Variants in IL17RD observed in about 807,000 individuals in gnomAD.
IL17RD encodes the protein interleukin 17 receptor D.
IL17RD carries 52 observed loss-of-function variants against 80.5 expected under a neutral mutation model. The observed-to-expected ratio is 0.65, with a 90% CI of 0.52 to 0.81. The LOEUF (loss-of-function observed/expected upper bound fraction) is 0.81. Among genes scored for constraint, IL17RD ranks in the 40% least tolerant of loss-of-function variants. The probability of loss-of-function intolerance (pLI) is 0.00; values close to 1 mark genes in which losing one functional copy is unlikely to be tolerated. For synonymous variants in IL17RD, 416 were observed against 391.8 expected, an observed-to-expected ratio of 1.06 and a Z score of -0.73; for missense variants, 1,024 against 955.1, an observed-to-expected ratio of 1.07 and a Z score of -0.95.
intron 1 of IL17RD, among the ~76,000 whole-genome samples, chr3:57,158,415 T>C (rs2060282571): frequency 6.6e-6 from 1 of 152,200 alleles, no homozygotes; most frequent in African/African-American, 2.4e-5. Flanking sequence ...ACAGTAGAGG[T>C]AGTTTTCATT....
chr3:57,128,146 T>C (rs556321529), intron 1 of IL17RD, among the ~76,000 whole-genome samples: 50 of 152,334 alleles, frequency 3.3e-4, no homozygotes, highest in African/African-American at 1.2e-3. Flanking sequence ...GCCAGCAGTC[T>C]GATTTGGAGG....
chr3:57,154,453 T>C (rs1218635011), intron 1 of IL17RD, among the ~76,000 whole-genome samples: 3 of 151,924 alleles, frequency 2.0e-5, no homozygotes, highest in Non-Finnish European at 4.4e-5. Flanking sequence ...CCTTTTTTAA[T>C]GAGATAAAAG....
intron 3 of IL17RD, among the ~76,000 whole-genome samples, chr3:57,114,041 G>C (rs1707157520): frequency 6.7e-6 from 1 of 149,092 alleles, no homozygotes; most frequent in African/African-American, 2.4e-5. Flanking sequence ...AAAATTAGCT[G>C]GGTGTGGTGG....
chr3:57,098,628 G>C, intron 11 of IL17RD, 90 bp from the exon 12 acceptor site: 1 of 856,434 alleles, frequency 1.2e-6, no homozygotes, highest in Non-Finnish European at 1.9e-6. Flanking sequence ...TCAGAAGGAG[G>C]CCATCTCATC....
chr3:57,109,437 G>A (rs1297307822), intron 5 of IL17RD, 100 bp downstream of exon 5: 29 of 1,349,040 alleles, frequency 2.1e-5, no homozygotes, highest in Non-Finnish European at 2.2e-5. Context: ...GAGCCACCGC[G>A]CCCGGCCTTG....
chr3:57,130,085 C>G (rs1036703763), intron 1 of IL17RD, among the ~76,000 whole-genome samples: 1 of 152,234 alleles, frequency 6.6e-6, no homozygotes, highest in African/African-American at 2.4e-5. Context: ...CTTTTAATTA[C>G]TGATGACCCT....
At chr3:57,161,303 G>C (rs2060303078) in intron 1 of IL17RD, among the ~76,000 whole-genome samples, 1 of 152,234 alleles carries the variant, frequency 6.6e-6, no homozygotes. Context: ...GAATGAAAAT[G>C]CATCCAATTC....
intron 7 of IL17RD, among the ~76,000 whole-genome samples, chr3:57,105,536 CAAAA>C (rs745910085): frequency 5.3e-4 from 19 of 35,612 alleles, no homozygotes; most frequent in African/African-American, 1.5e-3. Flanking sequence ...GACTCCATCT[CAAAA>C]AAAAAAAAAA....
At chr3:57,161,130 T>C (rs1020397143) in intron 1 of IL17RD, among the ~76,000 whole-genome samples, 2 of 152,154 alleles carry the variant, frequency 1.3e-5, no homozygotes, top group African/African-American at 4.8e-5. Context: ...GAAGAAAGCT[T>C]TGCACTGCTT....
At chr3:57,133,952 A>G (rs1308923940) in intron 1 of IL17RD, among the ~76,000 whole-genome samples, 1 of 152,258 alleles carries the variant, frequency 6.6e-6, no homozygotes, top group African/African-American at 2.4e-5. Flanking sequence ...TCAAAGTAAT[A>G]TGGTGAAATT....
Position 57,114,909 on chromosome 3 carries a change from G to T in IL17RD, c.185-92C>A, listed in dbSNP as rs963520487. ...TCAAAATAAACAGGGCATGTCTGAA[G>T]GTGGCCAAATCCATTCTGTTAAAGA... is the stretch of plus-strand genomic sequence containing the variant. On this transcript the variant is annotated intron_variant, in intron 2 of 12. Coordinates refer to ENST00000296318, the MANE Select transcript of IL17RD (RefSeq NM_017563.5). The T allele has an allele frequency of 6.6e-6, 7 of 1,065,906 alleles. No homozygotes were observed. In the African/African-American group the frequency reaches 8.1e-5, roughly 12 times the overall value. The allele number at this position is 1,065,906 out of a possible 1,614,324, so 66.0% of individuals were successfully genotyped here. A position where few individuals can be genotyped will look rare whatever the true frequency, so the allele number is the denominator to read the frequency against.
At chr3:57,131,719 G>A (rs1236054043) in intron 1 of IL17RD, among the ~76,000 whole-genome samples, 1 of 152,218 alleles carries the variant, frequency 6.6e-6, no homozygotes, top group Non-Finnish European at 1.5e-5. Flanking sequence ...ATTTGGGGGA[G>A]AACTGTGGTG....
chr3:57,168,722 G>T (rs1486799289), upstream of IL17RD, among the ~76,000 whole-genome samples: 1 of 152,094 alleles, frequency 6.6e-6, no homozygotes, highest in African/African-American at 2.4e-5. Context: ...GTTGTTGTTT[G>T]TTTGTTTGTT....
At chr3:57,102,434 TG>T in intron 10 of IL17RD, 44 bp downstream of exon 10, 1 of 1,124,510 alleles carries the variant, frequency 8.9e-7, no homozygotes, top group Non-Finnish European at 1.3e-6. Flanking sequence ...CAGCACCCCC[TG>T]GCCTGCCCCT....
chr3:57,121,634 A>T (rs1707342507), intron 1 of IL17RD, among the ~76,000 whole-genome samples: 1 of 152,168 alleles, frequency 6.6e-6, no homozygotes, highest in Non-Finnish European at 1.5e-5. Flanking sequence ...CATATACAAG[A>T]TTCCAGAACT....
intron 3 of IL17RD, 122 bp downstream of exon 3, chr3:57,114,570 A>G (rs1355876217): frequency 5.9e-6 from 5 of 852,958 alleles, no homozygotes; most frequent in African/African-American, 1.7e-5. Context: ...TCTGTGCCCA[A>G]TCCAACATAA....
chr3:57,127,331 T>TAA (rs1553625605), intron 1 of IL17RD, among the ~76,000 whole-genome samples: 3 of 105,516 alleles, frequency 2.8e-5, no homozygotes, highest in African/African-American at 1.4e-4. Context: ...TATATAAATA[T>TAA]ATATAAAAAT....
chr3:57,132,639 G>T (rs1707636270), intron 1 of IL17RD, among the ~76,000 whole-genome samples: 1 of 152,146 alleles, frequency 6.6e-6, no homozygotes, highest in Non-Finnish European at 1.5e-5. Context: ...TGGGACTCAT[G>T]AACTTTACAA....
At chr3:57,118,774 G>T (rs1707271085) in intron 2 of IL17RD, among the ~76,000 whole-genome samples, 1 of 152,110 alleles carries the variant, frequency 6.6e-6, no homozygotes, top group African/African-American at 2.4e-5. Context: ...GTACATTGCA[G>T]TCAGCTCCCA....
Sources: gnomAD v4.1 joint callset for allele counts (sites outside exome capture counted in the v4.1 genomes callset) on GRCh38, gnomAD v4.1.1 for gene constraint, MANE v1.5 for transcripts, NCBI Gene and HGNC (gene_info 2026-07-23, HGNC 2026-07-21) for gene names.